AGRN: variants seen among roughly 807,000 people sequenced by gnomAD.
The protein encoded by AGRN is agrin, also known as agrin proteoglycan.
In AGRN, 106 loss-of-function variants were observed where a neutral mutation model predicts 211.0. That is an observed-to-expected ratio of 0.50 (90% CI 0.43 to 0.59). The LOEUF (loss-of-function observed/expected upper bound fraction) is 0.59, where lower values mean the gene tolerates loss of function less well. AGRN is among the 20% of genes least tolerant of loss of function. AGRN has a pLI of 0.00. For synonymous variants in AGRN, 1,525 were observed against 1,332.5 expected (o/e 1.14, Z -3.15); for missense variants, 3,040 against 2,982.6 (o/e 1.02, Z -0.45).
intron 1 of AGRN, 43 bp from the exon 2 acceptor site, chr1:1,022,158 C>T: frequency 6.2e-7 from 1 of 1,612,372 alleles, no homozygotes; most frequent in Non-Finnish European, 8.5e-7. Context: ...TAGCCCCTTC[C>T]CCAGGAGAGG....
intron 35 of AGRN, 48 bp from the exon 36 acceptor site, chr1:1,054,776 C>G: frequency 6.5e-7 from 1 of 1,538,804 alleles, no homozygotes; most frequent in Non-Finnish European, 8.7e-7. Context: ...GGGTGCCCAT[C>G]AGCATCACTG....
chr1:1,041,827 C>T (rs1644950454), intron 6 of AGRN, 125 bp downstream of exon 6: 1 of 1,270,732 alleles, frequency 7.9e-7, no homozygotes, highest in African/African-American at 1.6e-5. Context: ...AGGGCTGCGG[C>T]CAGTGCCAGG....
chr1:1,022,302 C>T lies in AGRN; in HGVS notation c.303C>T (p.Leu101=), dbSNP rs1188654784. 1 of 1,613,380 alleles carries T rather than the reference C, an allele frequency of 6.2e-7. No homozygotes were observed. Among genetic ancestry groups the T allele is most frequent in the African/African-American group, 1.3e-5 (1 of 75,048 alleles). ...KVVISGFGDP[L]ICDNQVSTGD... is the part of the protein sequence containing the mutation. Reference sequence around the variant, plus strand: ...TGATCAGCGGCTTTGGAGACCCCCTCATCTGTGACAACCAGGTGTCCACTG... The same window carrying T: ...TGATCAGCGGCTTTGGAGACCCCCTTATCTGTGACAACCAGGTGTCCACTG... Residue 101 remains leucine, a synonymous_variant, in exon 2 of 36, where the codon CTC becomes CTT. Transcript: ENST00000379370.
At position 1,043,642 on chromosome 1, in the gene AGRN, G is replaced by A. The variant is rs374232667; in HGVS notation, c.1708G>A (p.Asp570Asn). 1.4e-5 allele frequency: 22 copies of A among 1,602,364 alleles called. No homozygotes were observed. The highest frequency in any genetic ancestry group is 8.9e-5 in the East Asian group (4 of 44,884). Residue 570 changes from aspartate (D) to asparagine (N), a missense_variant, in exon 9 of 36, where the codon GAC becomes AAC. Physicochemically the swap from Asp to Asn is conservative, Grantham distance 23. Transcript: ENST00000379370. ...VALAQPVCGS[D>N]GHTYPSECML... ...TTTGGCCCAGCCCGTGTGTGGCTCC[G>A]ACGGGCACACGTACCCCAGCGAGTG...
chr1:1,024,203 A>G (rs1419617569), intron 2 of AGRN, among the ~76,000 whole-genome samples: 1 of 152,046 alleles, frequency 6.6e-6, no homozygotes, highest in Non-Finnish European at 1.5e-5. Flanking sequence ...CTGCCGGGAC[A>G]GGGTAAATGC....
rs184158099 is a variant in AGRN, at chr1:1,025,988, G to A, written c.463+3526G>A. 6.8e-4 allele frequency among the ~76,000 whole-genome samples: 104 copies of A among 152,256 alleles called. 2 individuals are homozygous for A. Among genetic ancestry groups the A allele is most frequent in the African/African-American group, 2.2e-3 (91 of 41,542 alleles). On this transcript the variant is annotated intron_variant, in intron 2 of 35. Coordinates refer to ENST00000379370, the MANE Select transcript of AGRN (RefSeq NM_198576.4). The stretch of plus-strand genomic sequence containing the variant: ...GGGCTTGCCCCTGCCTTGGCCTGGG[G>A]GGGGGCTTTGCTGGCTGAAACCAAA...
chr1:1,031,160 T>C lies in AGRN; in HGVS notation c.464-4117T>C, dbSNP rs1362393146. Among the ~76,000 whole-genome samples the C allele has an allele frequency of 1.2e-5, 1 of 83,298 alleles. No individual in the cohort carries two copies. The highest frequency in any genetic ancestry group is 4.9e-5 in the African/African-American group (1 of 20,532). The allele number at this position is 83,298 out of a possible 152,430, so 54.6% of individuals were successfully genotyped here. On this transcript the variant is annotated intron_variant, in intron 2 of 35. Coordinates refer to ENST00000379370, the MANE Select transcript of AGRN (RefSeq NM_198576.4). This position sits in a 1 kb window ranked among gnomAD's most constrained non-coding sequence, Gnocchi z 4.8. Reference sequence around the variant, plus strand: ...GTGCAGTGCATGGTGCTGTGTGAGATTGTGTGTGTGCAGTGCATGGTGCTG... The same window carrying C: ...GTGCAGTGCATGGTGCTGTGTGAGACTGTGTGTGTGCAGTGCATGGTGCTG...
Position 1,046,616 on chromosome 1 carries a change from C to G in AGRN, c.3131C>G (p.Thr1044Arg), listed in dbSNP as rs200639334. 6.2e-6 allele frequency: 10 copies of G among 1,603,170 alleles called. No homozygotes were observed. Among genetic ancestry groups the G allele is most frequent in the Non-Finnish European group, 8.5e-6 (10 of 1,179,208 alleles). Residue 1044 changes from threonine to arginine, a missense_variant, in exon 18 of 36, where the codon ACG (threonine) becomes AGG (arginine). By Grantham distance (71) the Thr-to-Arg change is moderately conservative. Transcript: ENST00000379370. ...TVWPVLTVPP[T>R]APSPAPSLVA... is the part of the protein sequence containing the mutation. The stretch of plus-strand genomic sequence containing the variant: ...TGGCCCGTGCTGACGGTGCCCCCCA[C>G]GGCACCCTCCCCTGCACCCAGCCTG...
intron 30 of AGRN, 183 bp downstream of exon 30, chr1:1,051,020 T>C: frequency 6.5e-7 from 1 of 1,549,334 alleles, no homozygotes; most frequent in Non-Finnish European, 8.7e-7. Flanking sequence ...CCACCCGCTC[T>C]TCGGAGGCCA....
Position 1,055,253 on chromosome 1 carries a change from G to A in AGRN, c.*272G>A. 1 of 516,244 alleles carries A rather than the reference G, an allele frequency of 1.9e-6. No homozygotes were observed. Among genetic ancestry groups the A allele is most frequent in the Non-Finnish European group, 3.5e-6 (1 of 283,858 alleles). The allele number at this position is 516,244 out of a possible 1,614,324, so 32.0% of individuals were successfully genotyped here. A position where few individuals can be genotyped will look rare whatever the true frequency, so the allele number is the denominator to read the frequency against. ...CGCCTTGCACTGCGCCTGCCCCACG[G>A]TGTCCCCGCCGGGAAGCAGCCCCGG... On this transcript the variant is annotated 3_prime_UTR_variant, in exon 36 of 36. Transcript: ENST00000379370.
Position 1,051,572 on chromosome 1 carries a change from C to T in AGRN, c.5490C>T (p.Ala1830=). 1 of 1,593,708 alleles carries T rather than the reference C, an allele frequency of 6.3e-7. No homozygotes were observed. The change falls in exon 32 of 36, where the codon GCC becomes GCT. Residue 1830 remains alanine, a synonymous_variant. Coordinates refer to ENST00000379370, the MANE Select transcript of AGRN (RefSeq NM_198576.4). ...RASGHPCLNG[A]SCVPREAAYV... is the part of the protein sequence containing the mutation. ...CAGGCCACCCCTGCCTCAATGGGGC[C>T]TCCTGCGTCCCGAGGGAGGCTGCCT... is the stretch of plus-strand genomic sequence containing the variant.
chr1:1,031,687 G>A lies in AGRN; in HGVS notation c.464-3590G>A, dbSNP rs981654448. Among the ~76,000 whole-genome samples the A allele has an allele frequency of 6.6e-6, 1 of 152,174 alleles. No homozygotes were observed. The highest frequency in any genetic ancestry group is 1.5e-5 in the Non-Finnish European group (1 of 68,010). ...AGATCCCAGGGTCTCTCTGTGTGGG[G>A]GCAAACTTCCCAGGCAGTGTTTGAG... On this transcript the variant is annotated intron_variant, in intron 2 of 35. Transcript: ENST00000379370. This position sits in a 1 kb window ranked among gnomAD's most constrained non-coding sequence, Gnocchi z 4.8.
rs752067310 is a variant in AGRN at position 1,041,363 on chromosome 1, G to A, written c.918G>A (p.Gln306=). ...CQLLRRACAR[Q]ENVFKKFDGP... ...TCCTGCGCCGCGCCTGCGCCCGCCA[G>A]GAGAATGTCTTCAAGAAGTTCGACG... The change falls in exon 5 of 36, where the codon CAG becomes CAA. Residue 306 remains glutamine (Q), a synonymous_variant. Transcript: ENST00000379370. 8.5e-6 allele frequency: 13 copies of A among 1,537,850 alleles called. No homozygotes were observed. The highest frequency in any genetic ancestry group is 1.4e-5 in the African/African-American group (1 of 73,230).
Position 1,041,602 on chromosome 1 carries a change from C to G in AGRN, c.1077C>G (p.Asp359Glu), listed in dbSNP as rs767370641. ...CPARQAPVCG[D>E]DGVTYENDCV... is the part of the protein sequence containing the mutation. ...CCCGGCAGGCGCCAGTGTGTGGGGA[C>G]GACGGAGTCACCTACGAAAACGACT... The change falls in exon 6 of 36, where the codon GAC becomes GAG. Residue 359 changes from aspartate to glutamate, a missense_variant. This residue lies in a region of AGRN where 1,498 missense variants were observed against 1,457.8 expected (regional missense o/e 1.03). Transcript: ENST00000379370. 1 of 1,611,166 alleles carries G rather than the reference C, an allele frequency of 6.2e-7. No homozygotes were observed.
At chr1:1,025,702 C>T (rs1644506745) in intron 2 of AGRN, among the ~76,000 whole-genome samples, 1 of 152,136 alleles carries the variant, frequency 6.6e-6, no homozygotes, top group Admixed American at 6.5e-5. Flanking sequence ...CAATCTCCCT[C>T]CTGCAGCTGG....
At chr1:1,045,068 G>A (rs898197591) in intron 12 of AGRN, 93 bp from the exon 13 acceptor site, 19 of 1,376,124 alleles carry the variant, frequency 1.4e-5, no homozygotes, top group Non-Finnish European at 1.9e-5. Context: ...ACGGCTGAGT[G>A]GTGACAGTGG....
chr1:1,046,506 T>C lies in AGRN; in HGVS notation c.3021T>C (p.Ala1007=). ...LPAPPGALPL[A]PSSTAHSQTT... The stretch of plus-strand genomic sequence containing the variant: ...CCCCCCCCGGCGCCCTCCCCCTGGC[T>C]CCCAGCAGTACCGCACACAGCCAGA... Residue 1007 remains alanine, a synonymous_variant, in exon 18 of 36, where the codon GCT becomes GCC. Transcript: ENST00000379370. 1 of 1,586,246 alleles carries C rather than the reference T, an allele frequency of 6.3e-7. No individual in the cohort carries two copies. Among genetic ancestry groups the C allele is most frequent in the Non-Finnish European group, 8.6e-7 (1 of 1,158,654 alleles).
At position 1,044,310 on chromosome 1, in the gene AGRN, G is replaced by A. The variant is rs115413462; in HGVS notation, c.2149-24G>A. ...GGGCGGCGGGGACGGGGCTGCGGCC[G>A]CTCACACTGACACCACCCTCCAGGT... On this transcript the variant is annotated intron_variant, in intron 11 of 35. Transcript: ENST00000379370. 7.3e-3 allele frequency: 11,746 copies of A among 1,612,526 alleles called. 201 individuals are homozygous for A. The highest frequency in any genetic ancestry group is 0.062 in the African/African-American group (4,637 of 74,988).
In AGRN at chr1:1,047,541, C is replaced by T. The variant is rs140939425; in HGVS notation, c.3517-32C>T. The T allele has an allele frequency of 6.5e-4, 1,056 of 1,612,344 alleles. 9 individuals are homozygous for T. In the East Asian group the frequency reaches 0.02, roughly 31 times the overall value. ...CACCAGGGCAGCCCGGCTTGGGCGG[C>T]CCCCCAAGTCCTTGCCTACTCCCTG... On this transcript the variant is annotated intron_variant, in intron 20 of 35. Coordinates refer to ENST00000379370, the MANE Select transcript of AGRN (RefSeq NM_198576.4).
Sources: allele counts gnomAD v4.1 joint callset (sites outside exome capture counted in the v4.1 genomes callset), GRCh38; gene constraint gnomAD v4.1.1; regional missense constraint gnomAD v4.1.1; non-coding constraint Gnocchi (gnomAD v3.1); transcripts MANE v1.5; gene names NCBI Gene and HGNC (gene_info 2026-07-23, HGNC 2026-07-21).